The following MARCHF1 variants were observed in gnomAD, a reference collection of about 807,000 sequenced individuals.
The protein encoded by MARCHF1 is E3 ubiquitin-protein ligase MARCHF1.
Under a neutral mutation model 54.2 loss-of-function variants are expected in MARCHF1, and 40 were observed. The observed-to-expected ratio is 0.74, with a 90% confidence interval of 0.57 to 0.96. The LOEUF is 0.96. Among genes scored for constraint, MARCHF1 ranks in the 40% least tolerant of loss-of-function variants. The probability of loss-of-function intolerance (pLI) is 0.00; values close to 1 mark genes in which losing one functional copy is unlikely to be tolerated. For missense variants in MARCHF1, 586 were observed against 656.5 expected (o/e 0.89, Z 1.17); for synonymous variants, 236 against 236.3 (o/e 1.00, Z 0.01).
intron 1 of MARCHF1, among the ~76,000 whole-genome samples, chr4:164,119,715 CAA>C (rs1227702217): frequency 6.6e-6 from 1 of 151,642 alleles, no homozygotes; most frequent in African/African-American, 2.4e-5. Context: ...GCTTTTTGCA[CAA>C]GTTTATGCAA....
intron 8 of MARCHF1, among the ~76,000 whole-genome samples, chr4:163,582,202 ATGTG>A (rs1740253855): frequency 6.6e-6 from 1 of 152,118 alleles, no homozygotes; most frequent in Admixed American, 6.5e-5. Flanking sequence ...TGCTTTCTTT[ATGTG>A]TGACATTTTG....
chr4:164,074,456 G>C (rs1754933696), intron 2 of MARCHF1, among the ~76,000 whole-genome samples: 1 of 152,148 alleles, frequency 6.6e-6, no homozygotes, highest in South Asian at 2.1e-4. Flanking sequence ...AATGTTCATT[G>C]ATTCACTCTA....
At chr4:163,931,611 C>T (rs73868952) in intron 3 of MARCHF1, among the ~76,000 whole-genome samples, 14,877 of 152,094 alleles carry the variant, frequency 0.098, 1,728 homozygotes, top group African/African-American at 0.28. Flanking sequence ...AATACATTTC[C>T]GTTGTTTATA....
chr4:163,630,745 A>C (rs1742045551), intron 5 of MARCHF1, among the ~76,000 whole-genome samples: 1 of 152,168 alleles, frequency 6.6e-6, no homozygotes, highest in South Asian at 2.1e-4. Context: ...AGTATGATAA[A>C]GGAAATGTTA....
intron 3 of MARCHF1, among the ~76,000 whole-genome samples, chr4:163,886,064 CTATA>C (rs1750524535): frequency 6.8e-6 from 1 of 147,410 alleles, no homozygotes; most frequent in Non-Finnish European, 1.5e-5. Context: ...CCTGTGGTAT[CTATA>C]TATAGATATA....
chr4:164,290,396 G>T (rs1734258988), intron 1 of MARCHF1, among the ~76,000 whole-genome samples: 1 of 151,930 alleles, frequency 6.6e-6, no homozygotes, highest in Non-Finnish European at 1.5e-5. Context: ...AACAGTTGAG[G>T]TTTACTAACT....
intron 4 of MARCHF1, among the ~76,000 whole-genome samples, chr4:163,710,911 C>T (rs1164832458): frequency 6.6e-6 from 1 of 151,938 alleles, no homozygotes; most frequent in Non-Finnish European, 1.5e-5. Flanking sequence ...TTGGCATAAG[C>T]TTTTAGTGTA....
intron 3 of MARCHF1, among the ~76,000 whole-genome samples, chr4:163,944,271 C>T (rs1317405447): frequency 1.3e-5 from 2 of 151,998 alleles, no homozygotes; most frequent in South Asian, 2.1e-4. Flanking sequence ...CGTGAGCCAC[C>T]GCGCCTGGCC....
intron 3 of MARCHF1, among the ~76,000 whole-genome samples, chr4:163,975,538 T>A (rs1464931658): frequency 6.6e-6 from 1 of 152,046 alleles, no homozygotes; most frequent in Non-Finnish European, 1.5e-5. Context: ...AACCTCAAAT[T>A]AGAAAAAATG....
At chr4:164,156,563 A>G (rs1730082519) in intron 1 of MARCHF1, among the ~76,000 whole-genome samples, 1 of 152,122 alleles carries the variant, frequency 6.6e-6, no homozygotes, top group South Asian at 2.1e-4. Context: ...AGCTGGGACT[A>G]CAGGCACACA....
At chr4:164,064,350 T>C (rs1027397649) in intron 2 of MARCHF1, among the ~76,000 whole-genome samples, 2 of 152,226 alleles carry the variant, frequency 1.3e-5, no homozygotes, top group African/African-American at 4.8e-5. Flanking sequence ...GGCAGTGGTT[T>C]ATAGTCCTCC....
At chr4:163,677,130 C>T (rs1743944972) in intron 5 of MARCHF1, among the ~76,000 whole-genome samples, 2 of 152,096 alleles carry the variant, frequency 1.3e-5, no homozygotes, top group South Asian at 4.1e-4. Flanking sequence ...TAACAATTGT[C>T]GTTTGAGATT....
intron 1 of MARCHF1, among the ~76,000 whole-genome samples, chr4:164,381,401 G>T (rs1033820105): frequency 6.6e-6 from 1 of 152,108 alleles, no homozygotes; most frequent in Non-Finnish European, 1.5e-5. Flanking sequence ...AATTTTCTCA[G>T]TATTCTAGTG....
intron 7 of MARCHF1, among the ~76,000 whole-genome samples, chr4:163,591,359 C>A (rs773495465): frequency 2.5e-4 from 38 of 151,982 alleles, no homozygotes; most frequent in Non-Finnish European, 5.3e-4. Context: ...AATTAAACAG[C>A]CCCTAGTTTT....
At chr4:163,603,713 G>A (rs1912821) in intron 7 of MARCHF1, among the ~76,000 whole-genome samples, 139,952 of 152,134 alleles carry the variant, frequency 0.92, 64,495 homozygotes, top group African/African-American at 0.98. Context: ...TTTAAAATCT[G>A]TAGACCTGCA....
chr4:163,755,419 A>C (rs2110798937), intron 4 of MARCHF1, among the ~76,000 whole-genome samples: 1 of 152,294 alleles, frequency 6.6e-6, no homozygotes, highest in African/African-American at 2.4e-5. Flanking sequence ...CAGCCTACCT[A>C]AAATATTATA....
At chr4:163,963,762 C>T (rs532113140) in intron 3 of MARCHF1, among the ~76,000 whole-genome samples, 3 of 152,012 alleles carry the variant, frequency 2.0e-5, no homozygotes, top group Admixed American at 2.0e-4. Flanking sequence ...GAAGCACCTA[C>T]CCTAAGACTA....
At chr4:164,028,843 G>T (rs1262538320) in intron 2 of MARCHF1, among the ~76,000 whole-genome samples, 1 of 152,190 alleles carries the variant, frequency 6.6e-6, no homozygotes, top group African/African-American at 2.4e-5. Flanking sequence ...TGAATGGAGT[G>T]TTTCTATTGT....
chr4:164,321,685 T>A (rs1158131626), intron 1 of MARCHF1, among the ~76,000 whole-genome samples: 1 of 152,072 alleles, frequency 6.6e-6, no homozygotes, highest in East Asian at 1.9e-4. Flanking sequence ...AAAGGAAGAA[T>A]TTTGAGAACA....
Sources: allele counts gnomAD v4.1 joint callset (sites outside exome capture counted in the v4.1 genomes callset), GRCh38; gene constraint gnomAD v4.1.1; transcripts MANE v1.5; gene names NCBI Gene and HGNC (gene_info 2026-07-23, HGNC 2026-07-21).